KHDRBS3: variants seen among roughly 807,000 people sequenced by gnomAD.
The protein encoded by KHDRBS3 is KH domain-containing, RNA-binding, signal transduction-associated protein 3.
In KHDRBS3, 23 loss-of-function variants were observed where a neutral mutation model predicts 45.6. The observed-to-expected ratio is 0.50, with a 90% CI of 0.36 to 0.72. The LOEUF (loss-of-function observed/expected upper bound fraction) is 0.72. KHDRBS3 is among the 30% of genes least tolerant of loss of function. KHDRBS3 has a pLI of 0.00. For synonymous variants in KHDRBS3, 162 were observed against 156.5 expected (o/e 1.04, Z -0.26); for missense variants, 352 against 424.8 (o/e 0.83, Z 1.51).
rs145748531 is a variant in KHDRBS3, at chr8:135,588,856, C to G, written c.807+6783C>G. On this transcript the variant is annotated intron_variant, in intron 6 of 8. Coordinates refer to ENST00000355849, the MANE Select transcript of KHDRBS3 (RefSeq NM_006558.3). Reference sequence around the variant, plus strand: ...TCACGGTCCCCTCTCCCTGAATGCCCTATAAGCACTTTGAAAGCTGTGATA... The same window carrying G: ...TCACGGTCCCCTCTCCCTGAATGCCGTATAAGCACTTTGAAAGCTGTGATA... 2.6e-5 allele frequency among the ~76,000 whole-genome samples: 4 copies of G among 152,242 alleles called. No homozygotes were observed. The East Asian group carries it at 7.7e-4, about 29-fold the overall frequency.
chr8:135,621,004 G>C (rs779292638), intron 7 of KHDRBS3, among the ~76,000 whole-genome samples: 9 of 152,094 alleles, frequency 5.9e-5, no homozygotes, highest in Non-Finnish European at 1.2e-4. Context: ...GTGTAAGTTT[G>C]CATCTGTTTT....
chr8:135,598,942 A>G (rs1829089493), intron 6 of KHDRBS3, among the ~76,000 whole-genome samples: 1 of 152,254 alleles, frequency 6.6e-6, no homozygotes, highest in East Asian at 1.9e-4. Flanking sequence ...ACAGTATTTT[A>G]AAAATCACTC....
intron 1 of KHDRBS3, among the ~76,000 whole-genome samples, chr8:135,487,277 C>T (rs569512200): frequency 6.6e-6 from 1 of 152,298 alleles, no homozygotes; most frequent in African/African-American, 2.4e-5. Flanking sequence ...GGTAAAGCTA[C>T]TTATTTAGTA....
intron 5 of KHDRBS3, among the ~76,000 whole-genome samples, chr8:135,560,728 G>C (rs1299198462): frequency 6.6e-6 from 1 of 152,180 alleles, no homozygotes; most frequent in Non-Finnish European, 1.5e-5. Context: ...GTCATTTAAA[G>C]TTGTTTTAAT....
At chr8:135,521,410 G>T in intron 2 of KHDRBS3, 55 bp downstream of exon 2, 1 of 942,484 alleles carries the variant, frequency 1.1e-6, no homozygotes, top group Non-Finnish European at 1.7e-6. Flanking sequence ...AAGGGGAGCA[G>T]ATGTTTAATT....
chr8:135,460,119 A>G (rs759582535), intron 1 of KHDRBS3, among the ~76,000 whole-genome samples: 2 of 152,224 alleles, frequency 1.3e-5, no homozygotes, highest in Non-Finnish European at 2.9e-5. Flanking sequence ...AAGCTACATG[A>G]TTGTGAGGAA....
chr8:135,608,803 G>A (rs1010817734), intron 7 of KHDRBS3, among the ~76,000 whole-genome samples: 2 of 152,204 alleles, frequency 1.3e-5, no homozygotes, highest in Non-Finnish European at 2.9e-5. Context: ...ACACATCTGG[G>A]CTGTATGGTC....
chr8:135,563,217 A>G (rs752600555), intron 5 of KHDRBS3, among the ~76,000 whole-genome samples: 1 of 152,174 alleles, frequency 6.6e-6, no homozygotes, highest in Non-Finnish European at 1.5e-5. Flanking sequence ...CTCCTCCCCT[A>G]TCTGACTCTA....
At chr8:135,642,452 C>T (rs1392642918) in intron 7 of KHDRBS3, among the ~76,000 whole-genome samples, 2 of 152,194 alleles carry the variant, frequency 1.3e-5, no homozygotes, top group African/African-American at 2.4e-5. Flanking sequence ...TCCTCTCACA[C>T]TCGTTTTTCT....
intron 7 of KHDRBS3, among the ~76,000 whole-genome samples, chr8:135,621,576 G>T (rs557358843): frequency 9.9e-5 from 15 of 152,160 alleles, no homozygotes; most frequent in African/African-American, 3.4e-4. Flanking sequence ...ATCCTGTTTT[G>T]TTCATCAACA....
At chr8:135,515,749 C>A (rs926089424) in intron 1 of KHDRBS3, among the ~76,000 whole-genome samples, 4 of 152,150 alleles carry the variant, frequency 2.6e-5, no homozygotes, top group Admixed American at 6.5e-5. Context: ...GTCTGTTTTT[C>A]TTTTCCTTTC....
intron 6 of KHDRBS3, among the ~76,000 whole-genome samples, chr8:135,602,696 G>T (rs1399720939): frequency 6.6e-6 from 1 of 151,932 alleles, no homozygotes; most frequent in Non-Finnish European, 1.5e-5. Flanking sequence ...CATGATCTTT[G>T]CATTTTGCCC....
intron 7 of KHDRBS3, among the ~76,000 whole-genome samples, chr8:135,608,942 C>A (rs567914844): frequency 3.3e-5 from 5 of 152,168 alleles, no homozygotes; most frequent in African/African-American, 1.2e-4. Context: ...AAGTGGTATA[C>A]CCATACAGGT....
At chr8:135,642,478 G>A (rs1831102455) in intron 7 of KHDRBS3, among the ~76,000 whole-genome samples, 1 of 152,132 alleles carries the variant, frequency 6.6e-6, no homozygotes, top group Admixed American at 6.5e-5. Context: ...ATTTTTTTAG[G>A]AATGCCAGCC....
intron 1 of KHDRBS3, among the ~76,000 whole-genome samples, chr8:135,495,456 A>G (rs750767935): frequency 1.3e-5 from 2 of 152,236 alleles, no homozygotes; most frequent in Non-Finnish European, 2.9e-5. Context: ...ACTTAGAGGA[A>G]TAGCTGAATT....
At chr8:135,652,945 A>G (rs531775866) in intron 4 of KHDRBS3, among the ~76,000 whole-genome samples, 1 of 152,350 alleles carries the variant, frequency 6.6e-6, no homozygotes, top group East Asian at 1.9e-4. Context: ...AGGACAATGT[A>G]CTAGGTCTTG....
chr8:135,475,181 G>A (rs1586569750), intron 1 of KHDRBS3, among the ~76,000 whole-genome samples: 1 of 152,128 alleles, frequency 6.6e-6, no homozygotes, highest in Non-Finnish European at 1.5e-5. Context: ...TTTGACATGC[G>A]ACTTAACATT....
Position 135,469,506 on chromosome 8 carries a change from GTTTTTTTTTTGTTTTGGT to G in KHDRBS3, c.88+11563_88+11580del, listed in dbSNP as rs1166886734. ...GTTTCACCATGTTAGCCAGGATGGTGTTTTTTTTTTGTTTTGGTTTTTTTTTTTTTTTTTTTTTTTTGA... is the reference window on the plus strand; with the variant it reads ...GTTTCACCATGTTAGCCAGGATGGTGTTTTTTTTTTTTTTTTTTTTTTTGA... On this transcript the variant is annotated intron_variant, in intron 1 of 8. Coordinates refer to ENST00000355849, the MANE Select transcript of KHDRBS3 (RefSeq NM_006558.3). Among the ~76,000 whole-genome samples, 846 of 111,210 alleles carry G rather than the reference GTTTTTTTTTTGTTTTGGT, an allele frequency of 7.6e-3. 10 individuals carry two copies. The highest frequency in any genetic ancestry group is 0.032 in the African/African-American group (787 of 24,702). 73.0% of individuals were successfully genotyped at this position (111,210 alleles called of 152,430 possible).
At chr8:135,653,874 T>A (rs1052047902) in intron 4 of KHDRBS3, among the ~76,000 whole-genome samples, 1 of 152,206 alleles carries the variant, frequency 6.6e-6, no homozygotes, top group Non-Finnish European at 1.5e-5. Context: ...CTCTAACCAT[T>A]AGATTTTTTT....
Sources: gnomAD v4.1 joint callset for allele counts (sites outside exome capture counted in the v4.1 genomes callset) on GRCh38, gnomAD v4.1.1 for gene constraint, MANE v1.5 for transcripts, NCBI Gene and HGNC (gene_info 2026-07-23, HGNC 2026-07-21) for gene names.